Variants in ZDHHC11 observed in about 807,000 individuals in gnomAD.
ZDHHC11 encodes palmitoyltransferase ZDHHC11.
ZDHHC11 carries 44 observed loss-of-function variants against 51.3 expected under a neutral mutation model. The observed-to-expected ratio is 0.86, with a 90% CI of 0.67 to 1.10. The LOEUF is 1.10. Ranked by LOEUF, ZDHHC11 falls within the 50% of genes least tolerant of loss-of-function variation. The probability of loss-of-function intolerance (pLI) is 0.00; values close to 1 mark genes in which losing one functional copy is unlikely to be tolerated. For missense variants in ZDHHC11, 400 were observed against 537.7 expected, an observed-to-expected ratio of 0.74 and a Z score of 2.53; for synonymous variants, 163 against 222.0, an observed-to-expected ratio of 0.73 and a Z score of 2.36.
At chr5:849,469 C>G (rs1561305315) in intron 1 of ZDHHC11, among the ~76,000 whole-genome samples, 1 of 152,144 alleles carries the variant, frequency 6.6e-6, no homozygotes, top group Non-Finnish European at 1.5e-5. Flanking sequence ...CAGCCTCAGA[C>G]AGGAGGAGCA....
chr5:801,751 C>A (rs1298144953), intron 11 of ZDHHC11, among the ~76,000 whole-genome samples: 1 of 151,218 alleles, frequency 6.6e-6, no homozygotes, highest in Non-Finnish European at 1.5e-5. Context: ...ACTTGCAACG[C>A]TGAATGTGTC....
chr5:837,636 G>A (rs2150379864), intron 5 of ZDHHC11, among the ~76,000 whole-genome samples, 156 bp from the exon 6 acceptor site: 1 of 151,848 alleles, frequency 6.6e-6, no homozygotes, highest in South Asian at 2.1e-4. Flanking sequence ...AGGTCAGGAT[G>A]AGTGCAGGTG....
chr5:821,297 G>C (rs144416325), intron 9 of ZDHHC11: 1 of 151,620 alleles, frequency 6.6e-6, no homozygotes, highest in Admixed American at 6.6e-5. Flanking sequence ...ACCTCACGGC[G>C]ACCTCAATTT....
intron 11 of ZDHHC11, among the ~76,000 whole-genome samples, chr5:806,836 C>T (rs1355371047): frequency 6.6e-6 from 1 of 151,118 alleles, no homozygotes; most frequent in Non-Finnish European, 1.5e-5. Flanking sequence ...TCACACTACT[C>T]GACTGTCAAT....
chr5:820,387 GTC>G (rs754995768), intron 9 of ZDHHC11, among the ~76,000 whole-genome samples: 4 of 151,594 alleles, frequency 2.6e-5, no homozygotes, highest in Non-Finnish European at 5.9e-5. Context: ...CTAAGCAAAA[GTC>G]TGCATGAATT....
At chr5:839,962 G>C in intron 5 of ZDHHC11, 1 of 509,902 alleles carries the variant, frequency 2.0e-6, no homozygotes, top group Non-Finnish European at 3.5e-6. Flanking sequence ...TTTCCTTGGG[G>C]CTGGGGAGTT....
intron 10 of ZDHHC11, 59 bp downstream of exon 10, chr5:819,466 G>T (rs748260845): frequency 6.4e-7 from 1 of 1,564,832 alleles, no homozygotes; most frequent in Non-Finnish European, 8.8e-7. Context: ...GGGGACCTCA[G>T]ACCACACATT....
At position 821,870 on chromosome 5, in the gene ZDHHC11, G is replaced by A; in HGVS notation, c.1049C>T (p.Ser350Phe). ...AREGDEDPCP[S>F]ALGAKARNSR... ...AAACTTACAAACTCACCCAAGTGCA[G>A]ATGGACACGGGTCTTCATCCCCTTC... The change falls in exon 9 of 13, where the codon TCT (serine) becomes TTT (phenylalanine). Residue 350 changes from serine to phenylalanine, a missense_variant. Physicochemically the swap from Ser to Phe is radical, Grantham distance 155. Around this residue, in one of 5 missense-constraint regions of ZDHHC11, gnomAD observed 231 missense variants for 227.4 expected, o/e 1.02. Coordinates refer to ENST00000283441, the MANE Select transcript of ZDHHC11 (RefSeq NM_024786.3). 1 of 1,606,304 alleles carries A rather than the reference G, an allele frequency of 6.2e-7. No homozygotes were observed. The highest frequency in any genetic ancestry group is 1.1e-5 in the South Asian group (1 of 90,370).
In ZDHHC11 at chr5:806,399, A is replaced by G. The variant is rs541361983; in HGVS notation, c.1182-5235T>C. Among the ~76,000 whole-genome samples the G allele has an allele frequency of 5.2e-4, 79 of 151,426 alleles. 4 individuals are homozygous for G. Among genetic ancestry groups the G allele is most frequent in the Non-Finnish European group, 9.9e-4 (67 of 67,716 alleles). On this transcript the variant is annotated intron_variant, in intron 11 of 12. Coordinates refer to ENST00000283441, the MANE Select transcript of ZDHHC11 (RefSeq NM_024786.3). ...CACACCATACACTGAAATCAACCAA[A>G]GATAAAGTCTTAGCTCTCAAAATCA...
intron 11 of ZDHHC11, among the ~76,000 whole-genome samples, chr5:804,202 G>A (rs755479949): frequency 3.3e-5 from 5 of 151,420 alleles, no homozygotes; most frequent in Admixed American, 1.3e-4. Context: ...GTTTTAAATT[G>A]TGTGTAGTTC....
chr5:831,586 C>A (rs1329243633), intron 7 of ZDHHC11, among the ~76,000 whole-genome samples: 2 of 142,796 alleles, frequency 1.4e-5, no homozygotes. Context: ...CTGTCTCAAA[C>A]AAACAAACAA....
intron 11 of ZDHHC11, among the ~76,000 whole-genome samples, chr5:808,270 C>CCTTA (rs1447063299): frequency 6.6e-6 from 1 of 151,944 alleles, no homozygotes; most frequent in Non-Finnish European, 1.5e-5. Flanking sequence ...GGACCTGCAC[C>CCTTA]CTTAGCCTTA....
intron 4 of ZDHHC11, chr5:842,334 T>C: frequency 1.0e-6 from 1 of 985,896 alleles, no homozygotes; most frequent in Non-Finnish European, 1.2e-6. Flanking sequence ...GTCCTGGGCT[T>C]GGGTCCGCTG....
In ZDHHC11 at chr5:804,929, C is replaced by T. The variant is rs568280204; in HGVS notation, c.1182-3765G>A. Among the ~76,000 whole-genome samples the T allele has an allele frequency of 2.2e-3, 336 of 151,056 alleles. 9 individuals are homozygous for T. The highest frequency in any genetic ancestry group is 4.8e-3 in the South Asian group (23 of 4,792). On this transcript the variant is annotated intron_variant, in intron 11 of 12. Coordinates refer to ENST00000283441, the MANE Select transcript of ZDHHC11 (RefSeq NM_024786.3). Reference sequence around the variant, plus strand: ...CATACAAAGAAATAAAGAACATTGGCAAAAAAATAAAGAACACAGGTAAAT... The same window carrying T: ...CATACAAAGAAATAAAGAACATTGGTAAAAAAATAAAGAACACAGGTAAAT...
At chr5:816,627 T>C in intron 10 of ZDHHC11, 3 of 627,256 alleles carry the variant, frequency 4.8e-6, no homozygotes, top group East Asian at 3.7e-5. Context: ...TGCTTTGCCA[T>C]AGTGGCTGTG....
chr5:859,844 C>T (rs552145762), upstream of ZDHHC11, among the ~76,000 whole-genome samples: 7 of 151,304 alleles, frequency 4.6e-5, no homozygotes, highest in East Asian at 1.2e-3. Context: ...CAGTTCGTGT[C>T]GGTTGGGGGG....
At chr5:854,691 C>G (rs71593107), upstream of ZDHHC11, among the ~76,000 whole-genome samples, 383 of 148,414 alleles carry the variant, frequency 2.6e-3, 1 homozygote, top group Non-Finnish European at 3.8e-3. Context: ...CCATGGAGGA[C>G]AGCAAGCCGG....
intron 2 of ZDHHC11, 140 bp from the exon 3 acceptor site, chr5:847,755 G>A (rs1408177443): frequency 5.2e-6 from 3 of 581,678 alleles, no homozygotes; most frequent in Non-Finnish European, 9.1e-6. Context: ...AGCAGGGAAT[G>A]GGAGGCTGGG....
chr5:838,269 T>C (rs1744204388), intron 5 of ZDHHC11, among the ~76,000 whole-genome samples: 1 of 151,946 alleles, frequency 6.6e-6, no homozygotes, highest in Non-Finnish European at 1.5e-5. Context: ...CACCCGTTTA[T>C]CTAAAAGAGC....
Sources: allele counts gnomAD v4.1 joint callset (sites outside exome capture counted in the v4.1 genomes callset), GRCh38; gene constraint gnomAD v4.1.1; regional missense constraint gnomAD v4.1.1; transcripts MANE v1.5; gene names NCBI Gene and HGNC (gene_info 2026-07-23, HGNC 2026-07-21).